Variants in FBRSL1 observed in about 807,000 individuals in gnomAD.
FBRSL1 encodes fibrosin like 1.
FBRSL1 carries 51 observed loss-of-function variants against 89.6 expected under a neutral mutation model. The ratio of observed to expected loss-of-function variants is 0.57; its 90% confidence interval spans 0.45 to 0.72. The LOEUF (loss-of-function observed/expected upper bound fraction) is 0.72. FBRSL1 is among the 30% of genes least tolerant of loss of function. The pLI, the probability that FBRSL1 is intolerant of heterozygous loss-of-function variation, is 0.00. For missense variants in FBRSL1, 1,618 were observed against 1,451.8 expected (o/e 1.11, Z -1.86); for synonymous variants, 779 against 681.1 (o/e 1.14, Z -2.24).
At chr12:132,580,646 T>C (rs1239652175) in intron 15 of FBRSL1, 3 of 373,668 alleles carry the variant, frequency 8.0e-6, no homozygotes, top group Non-Finnish European at 1.1e-5. Context: ...TCAGCTTTCA[T>C]GCCACAGCTC....
At chr12:132,542,498 C>T (rs552173608) in intron 4 of FBRSL1, among the ~76,000 whole-genome samples, 13 of 152,342 alleles carry the variant, frequency 8.5e-5, no homozygotes, top group African/African-American at 2.9e-4. Flanking sequence ...CCAGGTAGTT[C>T]TGCTCAGGAA....
chr12:132,577,132 C>T (rs1205121121), intron 15 of FBRSL1, among the ~76,000 whole-genome samples: 1 of 152,048 alleles, frequency 6.6e-6, no homozygotes, highest in Non-Finnish European at 1.5e-5. Context: ...CTCCTCACCT[C>T]TCCTCTCCTG....
rs1276391769 is a variant in FBRSL1 at position 132,572,344 on chromosome 12, TGTGAGTGTCCCC to T, written c.1434+2_1434+13del. ...CCTACTTCCGACATTCCAGCGTGAG[TGTGAGTGTCCCC>T]GAGGGGCCCGGCGCGTGTCGCTGTG... On this transcript the variant is annotated splice_donor_variant and splice_donor_5th_base_variant and intron_variant, in intron 10 of 18. Coordinates refer to ENST00000680143, the MANE Select transcript of FBRSL1 (RefSeq NM_001367871.1). LOFTEE classifies it high-confidence loss of function. 1.3e-5 allele frequency: 20 copies of T among 1,550,976 alleles called. 1 individual carries two copies. In the South Asian group the frequency reaches 2.4e-4, roughly 18 times the overall value.
At chr12:132,495,045 G>C (rs546128702) in intron 1 of FBRSL1, among the ~76,000 whole-genome samples, 3 of 152,366 alleles carry the variant, frequency 2.0e-5, no homozygotes, top group Admixed American at 2.0e-4. Context: ...AACCCTGGTG[G>C]GCATAGGGTG....
intron 2 of FBRSL1, among the ~76,000 whole-genome samples, chr12:132,519,287 A>G (rs1479193727): frequency 6.6e-6 from 1 of 152,224 alleles, no homozygotes; most frequent in East Asian, 1.9e-4. Flanking sequence ...GGGAGCCTGG[A>G]GGAGCTCTTT....
Position 132,490,732 on chromosome 12 carries a change from C to A in FBRSL1, c.162C>A (p.Pro54=), listed in dbSNP as rs1399183348. The A allele has an allele frequency of 2.0e-6, 2 of 991,648 alleles. No individual in the cohort carries two copies. The highest frequency in any genetic ancestry group is 2.4e-6 in the Non-Finnish European group (2 of 836,374). The allele number at this position is 991,648 out of a possible 1,614,324, so 61.4% of individuals were successfully genotyped here. The change falls in exon 1 of 19, where the codon CCC becomes CCA. Residue 54 remains proline, a synonymous_variant. Transcript: ENST00000680143. ...KENAGLRGAP[P]RGAAPAPRTA... ...ACGCGGGCCTCCGCGGCGCGCCCCCCCGAGGCGCCGCCCCCGCGCCCCGCA... is the reference window on the plus strand; with the variant it reads ...ACGCGGGCCTCCGCGGCGCGCCCCCACGAGGCGCCGCCCCCGCGCCCCGCA...
In FBRSL1 at chr12:132,582,207, G is replaced by A. The variant is rs2040807192; in HGVS notation, c.2142G>A (p.Arg714=). 5 of 1,550,084 alleles carry A rather than the reference G, an allele frequency of 3.2e-6. No individual in the cohort carries two copies. The highest frequency in any genetic ancestry group is 1.4e-5 in the African/African-American group (1 of 73,060). ...PPWPKSVDAE[R]VSALTNHDRE... Reference sequence around the variant, plus strand: ...GGCCCAAGTCCGTGGACGCGGAGCGGGTGTCAGCCCTGACCAACCATGACC... The same window carrying A: ...GGCCCAAGTCCGTGGACGCGGAGCGAGTGTCAGCCCTGACCAACCATGACC... Residue 714 remains arginine (R), a synonymous_variant, in exon 18 of 19, where the codon CGG becomes CGA. Coordinates refer to ENST00000680143, the MANE Select transcript of FBRSL1 (RefSeq NM_001367871.1).
chr12:132,556,707 C>CCA, intron 5 of FBRSL1, among the ~76,000 whole-genome samples: 2 of 90,856 alleles, frequency 2.2e-5, no homozygotes, highest in Non-Finnish European at 4.6e-5. Context: ...ATGCTGCCTC[C>CCA]AACCCCTGTC....
At chr12:132,540,313 C>A in intron 4 of FBRSL1, among the ~76,000 whole-genome samples, 1 of 91,432 alleles carries the variant, frequency 1.1e-5, no homozygotes, top group Non-Finnish European at 2.3e-5. Flanking sequence ...CCCCGTGCCC[C>A]CACCCACCCA....
At chr12:132,518,785 CCTGT>C (rs1280424157) in intron 2 of FBRSL1, among the ~76,000 whole-genome samples, 3 of 149,738 alleles carry the variant, frequency 2.0e-5, no homozygotes, top group Non-Finnish European at 4.4e-5. Context: ...CACCCATCTA[CCTGT>C]CTGTCCATCC....
intron 5 of FBRSL1, chr12:132,551,866 T>C (rs1464917670): frequency 3.4e-6 from 1 of 296,824 alleles, no homozygotes; most frequent in Non-Finnish European, 6.8e-6. Context: ...GATATGGGAC[T>C]CCATAGGCAG....
intron 9 of FBRSL1, 62 bp from the exon 10 acceptor site, chr12:132,572,226 G>A: frequency 1.3e-6 from 2 of 1,493,736 alleles, no homozygotes; most frequent in East Asian, 2.5e-5. Context: ...GGTGGGCGGG[G>A]CCCGGGGCCC....
intron 1 of FBRSL1, among the ~76,000 whole-genome samples, chr12:132,501,461 G>A (rs2032945462): frequency 6.6e-6 from 1 of 152,184 alleles, no homozygotes; most frequent in African/African-American, 2.4e-5. Flanking sequence ...ATGGCCGGGG[G>A]AGGGGCTCCC....
At chr12:132,536,799 AT>A (rs2036793767) in intron 4 of FBRSL1, among the ~76,000 whole-genome samples, 2 of 152,286 alleles carry the variant, frequency 1.3e-5, no homozygotes, top group East Asian at 3.9e-4. Context: ...GTGAAAGTGT[AT>A]TGTTATGTGT....
In FBRSL1 at chr12:132,536,864, T is replaced by A. The variant is rs905920464; in HGVS notation, c.615+8876T>A. Among the ~76,000 whole-genome samples the A allele has an allele frequency of 2.6e-5, 4 of 152,268 alleles. No homozygotes were observed. In the East Asian group the frequency reaches 7.7e-4, roughly 29 times the overall value. ...GCATGACTGCATGTGAGTGCACGTG[T>A]GTACATAAATGTATGTGGCTGTGCA... On this transcript the variant is annotated intron_variant, in intron 4 of 18. Coordinates refer to ENST00000680143, the MANE Select transcript of FBRSL1 (RefSeq NM_001367871.1).
chr12:132,500,387 G>T (rs1037366997), intron 1 of FBRSL1, among the ~76,000 whole-genome samples: 1 of 152,136 alleles, frequency 6.6e-6, no homozygotes, highest in Non-Finnish European at 1.5e-5. Context: ...CACTGCTGGC[G>T]AGTGGCTGAG....
chr12:132,546,361 C>T lies in FBRSL1; in HGVS notation c.616-1642C>T, dbSNP rs1006759773. On this transcript the variant is annotated intron_variant, in intron 4 of 18. Transcript: ENST00000680143. The surrounding 1 kb of genome is among the most constrained non-coding windows in gnomAD (Gnocchi z 4.0). ...TGCAGCCTCCGGGGCGGGATGGGCC[C>T]GGTTCTGACTTGGAGCCCTCAGTTC... Among the ~76,000 whole-genome samples, 2 of 151,924 alleles carry T rather than the reference C, an allele frequency of 1.3e-5. No individual in the cohort carries two copies. Among genetic ancestry groups the T allele is most frequent in the African/African-American group, 2.4e-5 (1 of 41,430 alleles).
chr12:132,579,706 G>A (rs2040617336), intron 15 of FBRSL1, among the ~76,000 whole-genome samples: 1 of 152,134 alleles, frequency 6.6e-6, no homozygotes, highest in Non-Finnish European at 1.5e-5. Flanking sequence ...ACTTTCCTGT[G>A]CTGCACCTGG....
chr12:132,547,973 C>T (rs754312889), intron 4 of FBRSL1, 30 bp from the exon 5 acceptor site: 16 of 1,549,382 alleles, frequency 1.0e-5, no homozygotes, highest in Admixed American at 5.9e-5. Flanking sequence ...GGTGGGGCCC[C>T]GACTCACTTC....
Sources: allele counts gnomAD v4.1 joint callset (sites outside exome capture counted in the v4.1 genomes callset), GRCh38; gene constraint gnomAD v4.1.1; non-coding constraint Gnocchi (gnomAD v3.1); transcripts MANE v1.5; gene names NCBI Gene and HGNC (gene_info 2026-07-23, HGNC 2026-07-21).